The following EPHB2 variants were observed in gnomAD, a reference collection of about 807,000 sequenced individuals.
The protein encoded by EPHB2 is ephrin type-B receptor 2.
In EPHB2, 18 loss-of-function variants were observed where a neutral mutation model predicts 96.4. That is an observed-to-expected ratio of 0.19 (90% CI 0.13 to 0.28). EPHB2 has a LOEUF of 0.28. EPHB2 is among the 10% of genes least tolerant of loss of function. The pLI is 1.00. For synonymous variants in EPHB2, 506 were observed against 534.1 expected (o/e 0.95, Z 0.72); for missense variants, 989 against 1,355.4 (o/e 0.73, Z 4.25).
At chr1:22,848,000 A>G (rs975998761) in intron 3 of EPHB2, among the ~76,000 whole-genome samples, 1 of 152,204 alleles carries the variant, frequency 6.6e-6, no homozygotes, top group Admixed American at 6.5e-5. Flanking sequence ...CCTCAAGGCC[A>G]GGGACTATGT....
At chr1:22,767,567 T>C (rs554549326) in intron 1 of EPHB2, among the ~76,000 whole-genome samples, 55 of 152,204 alleles carry the variant, frequency 3.6e-4, no homozygotes, top group Non-Finnish European at 7.4e-4. Flanking sequence ...TGGGTGTCCG[T>C]TGCATGGGAC....
chr1:22,779,168 A>G (rs1374137350), intron 1 of EPHB2, among the ~76,000 whole-genome samples: 1 of 152,254 alleles, frequency 6.6e-6, no homozygotes, highest in Non-Finnish European at 1.5e-5. Flanking sequence ...TGTTCTCTCC[A>G]GGAAGAAAAA....
chr1:22,754,868 AAG>A (rs1644121638), intron 1 of EPHB2, among the ~76,000 whole-genome samples: 1 of 6,424 alleles, frequency 1.6e-4, no homozygotes, highest in Non-Finnish European at 2.7e-4. Flanking sequence ...GAGGTGAGGC[AAG>A]GGGCAGGTGA....
chr1:22,911,143 A>AAAAAAAATAAATAAAT lies in EPHB2; in HGVS notation c.2696+571_2696+572insAAAATAAATAAATAAA, dbSNP rs368231548. 6.1e-4 allele frequency among the ~76,000 whole-genome samples: 82 copies of AAAAAAAATAAATAAAT among 133,812 alleles called. 1 individual carries two copies. The highest frequency in any genetic ancestry group is 2.5e-3 in the African/African-American group (74 of 30,030). The allele number at this position is 133,812 out of a possible 152,430, so 87.8% of individuals were successfully genotyped here. On this transcript the variant is annotated intron_variant, in intron 14 of 15. Transcript: ENST00000374630. Reference sequence around the variant, plus strand: ...TGGCAAGAGTGAAACTCCATCTAAAAAAATAAATAAATAAATAAATAAATA... The same window carrying AAAAAAAATAAATAAAT: ...TGGCAAGAGTGAAACTCCATCTAAAAAAAAAAATAAATAAATAAATAAATAAATAAATAAATAAATA...
intron 1 of EPHB2, among the ~76,000 whole-genome samples, chr1:22,746,619 C>T (rs1050541420): frequency 9.9e-5 from 15 of 152,234 alleles, no homozygotes; most frequent in African/African-American, 2.4e-5. Flanking sequence ...AACAAAACTT[C>T]CATGATCGAC....
rs576150699 is a variant in EPHB2, at chr1:22,846,835, C to A, written c.812-16202C>A. Among the ~76,000 whole-genome samples, 1 of 152,330 alleles carries A rather than the reference C, an allele frequency of 6.6e-6. No homozygotes were observed. Among genetic ancestry groups the A allele is most frequent in the East Asian group, 1.9e-4 (1 of 5,184 alleles). Reference sequence around the variant, plus strand: ...TGGTAGAGACCCCTCCTCTGGGCTTCCAGACCCAGCGCCTCTTCCCCACAG... The same window carrying A: ...TGGTAGAGACCCCTCCTCTGGGCTTACAGACCCAGCGCCTCTTCCCCACAG... On this transcript the variant is annotated intron_variant, in intron 3 of 15. Coordinates refer to ENST00000374630, the MANE Select transcript of EPHB2 (RefSeq NM_017449.5). The surrounding 1 kb of genome is among the most constrained non-coding windows in gnomAD (Gnocchi z 4.3).
At chr1:22,850,418 C>G (rs1645609190) in intron 3 of EPHB2, among the ~76,000 whole-genome samples, 1 of 152,242 alleles carries the variant, frequency 6.6e-6, no homozygotes, top group Non-Finnish European at 1.5e-5. Context: ...CCATCTCACC[C>G]TCACGGTACC....
chr1:22,741,920 C>T (rs1216790274), intron 1 of EPHB2, among the ~76,000 whole-genome samples: 2 of 152,026 alleles, frequency 1.3e-5, no homozygotes, highest in Admixed American at 6.6e-5. Context: ...GTGGTAGAGT[C>T]GGGACTTGAA....
intron 1 of EPHB2, among the ~76,000 whole-genome samples, chr1:22,744,860 GAAA>G (rs891981031): frequency 6.8e-6 from 1 of 147,300 alleles, no homozygotes; most frequent in African/African-American, 2.5e-5. Flanking sequence ...CTCAAAAAAA[GAAA>G]AAAAAAGAAA....
chr1:22,736,192 C>T (rs553943517), intron 1 of EPHB2, among the ~76,000 whole-genome samples: 2 of 152,222 alleles, frequency 1.3e-5, no homozygotes, highest in Non-Finnish European at 2.9e-5. Context: ...ATCGTACACA[C>T]GGGGGTCTAC....
At chr1:22,831,927 G>A (rs1645309775) in intron 3 of EPHB2, among the ~76,000 whole-genome samples, 1 of 152,166 alleles carries the variant, frequency 6.6e-6, no homozygotes, top group South Asian at 2.1e-4. Context: ...CCATTAACCT[G>A]ATTCTCTGCC....
At chr1:22,788,907 A>C (rs1644652637) in intron 3 of EPHB2, among the ~76,000 whole-genome samples, 1 of 152,084 alleles carries the variant, frequency 6.6e-6, no homozygotes, top group African/African-American at 2.4e-5. Flanking sequence ...GGCGTGCACC[A>C]TCATGCCCAG....
At chr1:22,727,487 G>T (rs1321996466) in intron 1 of EPHB2, among the ~76,000 whole-genome samples, 1 of 152,190 alleles carries the variant, frequency 6.6e-6, no homozygotes, top group Non-Finnish European at 1.5e-5. Flanking sequence ...ACCTTGCTGG[G>T]CCTCAGCTCT....
chr1:22,918,857 T>C lies in EPHB2; in HGVS notation c.*5287T>C, dbSNP rs1196778251. 3.9e-5 allele frequency: 6 copies of C among 152,218 alleles called. No individual in the cohort carries two copies. Among genetic ancestry groups the C allele is most frequent in the African/African-American group, 1.4e-4 (6 of 41,446 alleles). The allele number at this position is 152,218 out of a possible 1,614,324, so 9.4% of individuals were successfully genotyped here. On this transcript the variant is annotated 3_prime_UTR_variant, in exon 16 of 16. Transcript: ENST00000374630. This position sits in a 1 kb window ranked among gnomAD's most constrained non-coding sequence, Gnocchi z 4.2. ...CAATAATCGCTGAATACTTACCATA[T>C]GCCAGGTGCCAAAGCATTATCCTCT... is the stretch of plus-strand genomic sequence containing the variant.
intron 3 of EPHB2, among the ~76,000 whole-genome samples, chr1:22,817,922 AGGTG>A (rs1371440690): frequency 2.0e-5 from 3 of 152,146 alleles, no homozygotes; most frequent in African/African-American, 7.2e-5. Context: ...TTAGACTGGG[AGGTG>A]GGACAGAGGT....
chr1:22,881,644 G>A (rs889328091), intron 5 of EPHB2, among the ~76,000 whole-genome samples: 1 of 152,176 alleles, frequency 6.6e-6, no homozygotes, highest in Non-Finnish European at 1.5e-5. Context: ...GCCCAGGCTG[G>A]AGTGCAATGG....
rs1645747639 is a variant in EPHB2, at chr1:22,858,946, A to G, written c.812-4091A>G. Among the ~76,000 whole-genome samples the G allele has an allele frequency of 6.6e-6, 1 of 152,186 alleles. No homozygotes were observed. The highest frequency in any genetic ancestry group is 2.4e-5 in the African/African-American group (1 of 41,426). On this transcript the variant is annotated intron_variant, in intron 3 of 15. Transcript: ENST00000374630. This position sits in a 1 kb window ranked among gnomAD's most constrained non-coding sequence, Gnocchi z 7.7. ...GTTTACAGTCCAGCCAGGTAGACACATTCATAAGCAAGTAATTAAAATAGG... is the reference window on the plus strand; with the variant it reads ...GTTTACAGTCCAGCCAGGTAGACACGTTCATAAGCAAGTAATTAAAATAGG...
intron 3 of EPHB2, among the ~76,000 whole-genome samples, chr1:22,854,362 A>G (rs1645668980): frequency 6.6e-6 from 1 of 152,060 alleles, no homozygotes; most frequent in Non-Finnish European, 1.5e-5. Flanking sequence ...TATACCAAAA[A>G]TTAGCCAGGC....
intron 5 of EPHB2, among the ~76,000 whole-genome samples, chr1:22,877,914 G>T (rs1016301769): frequency 1.3e-5 from 2 of 152,210 alleles, no homozygotes; most frequent in Non-Finnish European, 2.9e-5. Flanking sequence ...CTCAGTGGGG[G>T]GTGTTGTGGG....
Sources: gnomAD v4.1 joint callset for allele counts (sites outside exome capture counted in the v4.1 genomes callset) on GRCh38, gnomAD v4.1.1 for gene constraint, Gnocchi (gnomAD v3.1) non-coding constraint, MANE v1.5 for transcripts, NCBI Gene and HGNC (gene_info 2026-07-23, HGNC 2026-07-21) for gene names.